USP50: variants seen among roughly 807,000 people sequenced by gnomAD.
USP50 encodes the protein ubiquitin carboxyl-terminal hydrolase 50.
In USP50, 37 loss-of-function variants were observed where a neutral mutation model predicts 39.2. The observed-to-expected ratio is 0.94, with a 90% CI of 0.73 to 1.24. The LOEUF (loss-of-function observed/expected upper bound fraction) is 1.24. USP50 is among the 50% of genes most tolerant of loss of function. The pLI, the probability that USP50 is intolerant of heterozygous loss-of-function variation, is 0.00. For synonymous variants in USP50, 139 were observed against 144.5 expected (o/e 0.96, Z 0.27); for missense variants, 374 against 398.2 (o/e 0.94, Z 0.52).
rs2053072775 is a variant in USP50, at chr15:50,546,563, G to A, written c.-38C>T. 6.2e-7 allele frequency: 1 copy of A among 1,608,546 alleles called. No homozygotes were observed. The highest frequency in any genetic ancestry group is 1.3e-5 in the African/African-American group (1 of 74,830). On this transcript the variant is annotated 5_prime_UTR_variant, in exon 1 of 7. Coordinates refer to ENST00000532404, the MANE Select transcript of USP50 (RefSeq NM_203494.5). ...ACGTTGGACTTTTGCTTCTATTCAG[G>A]AGCTACATCTATTCCTTTCAACTTC... is the stretch of plus-strand genomic sequence containing the variant.
chr15:50,519,186 T>C (rs372139346), intron 6 of USP50, among the ~76,000 whole-genome samples: 91 of 151,680 alleles, frequency 6.0e-4, no homozygotes, highest in African/African-American at 2.1e-3. Context: ...ACTCGGGAGG[T>C]TGAGGTGGGA....
intron 5 of USP50, among the ~76,000 whole-genome samples, chr15:50,536,923 T>C (rs2052984560): frequency 6.6e-6 from 1 of 152,180 alleles, no homozygotes; most frequent in African/African-American, 2.4e-5. Context: ...CAGCAACTTA[T>C]TTTGTGGATA....
chr15:50,529,877 G>C lies in USP50; in HGVS notation c.856C>G (p.Pro286Ala), dbSNP rs769303972. 1 of 1,613,914 alleles carries C rather than the reference G, an allele frequency of 6.2e-7. No homozygotes were observed. Among genetic ancestry groups the C allele is most frequent in the Admixed American group, 1.7e-5 (1 of 60,006 alleles). The change falls in exon 6 of 7, where the codon CCA becomes GCA. Residue 286 changes from proline to alanine, a missense_variant. Physicochemically the swap from Pro to Ala is conservative, Grantham distance 27 (BLOSUM62 -1). Transcript: ENST00000532404. ...KRKLRTDIHY[P>A]LTNLDLTPYI... is the part of the protein sequence containing the mutation. ...GGAGTGAGGTCCAAGTTAGTGAGTG[G>C]GTAATGAATATCCGTTCTCAGCTTC...
chr15:50,505,090 A>G (rs1048434050), intron 6 of USP50: 1 of 152,186 alleles, frequency 6.6e-6, no homozygotes, highest in African/African-American at 2.4e-5. Context: ...GAATGAGAAT[A>G]TTCAGCGTAT....
chr15:50,543,119 C>T (rs974520916), intron 3 of USP50, among the ~76,000 whole-genome samples: 4 of 151,972 alleles, frequency 2.6e-5, no homozygotes, highest in Non-Finnish European at 2.9e-5. Flanking sequence ...CTTTGTAGTG[C>T]GTAGATCTGT....
At chr15:50,515,784 CATACAT>C (rs1180200921) in intron 6 of USP50, among the ~76,000 whole-genome samples, 1 of 151,912 alleles carries the variant, frequency 6.6e-6, no homozygotes, top group Non-Finnish European at 1.5e-5. Flanking sequence ...TCTGGTAAAA[CATACAT>C]ATGCATACAC....
chr15:50,532,505 C>G (rs1285326976), intron 5 of USP50, among the ~76,000 whole-genome samples: 1 of 152,100 alleles, frequency 6.6e-6, no homozygotes, highest in Admixed American at 6.5e-5. Context: ...GATTATGGAA[C>G]GCTTCCCCTC....
At chr15:50,514,925 G>T (rs954596635) in intron 6 of USP50, among the ~76,000 whole-genome samples, 1 of 150,632 alleles carries the variant, frequency 6.6e-6, no homozygotes, top group Non-Finnish European at 1.5e-5. Context: ...GAGCTCAGGT[G>T]GTGGAGGTTG....
chr15:50,544,840 C>T, intron 1 of USP50, 59 bp from the exon 2 acceptor site: 1 of 1,466,678 alleles, frequency 6.8e-7, no homozygotes, highest in South Asian at 1.2e-5. Flanking sequence ...GTACAAATGA[C>T]AATAAGCTTC....
downstream of USP50, chr15:50,498,496 A>T (rs531851730): frequency 8.6e-6 from 12 of 1,392,812 alleles, no homozygotes; most frequent in Admixed American, 5.2e-5. Context: ...TGTATTTGAA[A>T]TGGATTTTAC....
chr15:50,499,760 C>T (rs2052545774), downstream of USP50: 1 of 151,856 alleles, frequency 6.6e-6, no homozygotes, highest in African/African-American at 2.4e-5. Flanking sequence ...ACATTAAAAT[C>T]TTAATGAGAA....
chr15:50,500,692 C>G lies in USP50; in HGVS notation c.*77G>C. The G allele has an allele frequency of 7.1e-7, 1 of 1,400,290 alleles. No individual in the cohort carries two copies. The highest frequency in any genetic ancestry group is 9.9e-7 in the Non-Finnish European group (1 of 1,010,616). The allele number at this position is 1,400,290 out of a possible 1,614,324, so 86.7% of individuals were successfully genotyped here. A position where few individuals can be genotyped will look rare whatever the true frequency, so the allele number is the denominator to read the frequency against. The stretch of plus-strand genomic sequence containing the variant: ...TATTGGTATGGAAAAGGGCTGGCAG[C>G]TATAGAACAGGAGATCCATAGCATT... On this transcript the variant is annotated 3_prime_UTR_variant, in exon 7 of 7. Transcript: ENST00000532404.
chr15:50,495,608 A>G (rs537623319), downstream of USP50, among the ~76,000 whole-genome samples: 87 of 152,012 alleles, frequency 5.7e-4, no homozygotes, highest in African/African-American at 1.9e-3. Context: ...GGCCCTTTTC[A>G]GCTTTTTAAA....
intron 6 of USP50, among the ~76,000 whole-genome samples, chr15:50,525,472 G>GTGTGTGTGTATATATATGTATATATGTA (rs1417794505): frequency 6.7e-6 from 1 of 149,640 alleles, no homozygotes; most frequent in Non-Finnish European, 1.5e-5. Context: ...TTTTGTGTGT[G>GTGTGTGTGTATATATATGTATATATGTA]TGTGTGTGTA....
At chr15:50,546,039 C>T (rs3098202) in intron 1 of USP50, among the ~76,000 whole-genome samples, 1 of 150,924 alleles carries the variant, frequency 6.6e-6, no homozygotes, top group Non-Finnish European at 1.5e-5. Context: ...GGGTTCCAAA[C>T]GGGACCTCCT....
chr15:50,519,779 TAAC>T (rs1363247608), intron 6 of USP50, among the ~76,000 whole-genome samples: 2 of 150,500 alleles, frequency 1.3e-5, no homozygotes, highest in African/African-American at 2.4e-5. Flanking sequence ...AGATGAAAAA[TAAC>T]AAATACTGGC....
downstream of USP50, chr15:50,496,132 GT>G: frequency 7.1e-7 from 1 of 1,406,944 alleles, no homozygotes; most frequent in Non-Finnish European, 9.8e-7. Flanking sequence ...TAAAAATGCT[GT>G]TTTTATGGAT....
chr15:50,528,120 C>A (rs1399887243), intron 6 of USP50, among the ~76,000 whole-genome samples: 2 of 142,122 alleles, frequency 1.4e-5, no homozygotes, highest in African/African-American at 5.3e-5. Context: ...GCCAGGGCTG[C>A]TAGCTTGAAC....
intron 5 of USP50, among the ~76,000 whole-genome samples, chr15:50,538,273 C>CAAAAAAA (rs766139797): frequency 4.0e-4 from 7 of 17,294 alleles, no homozygotes; most frequent in African/African-American, 6.2e-4. Context: ...GAGACTGTCT[C>CAAAAAAA]AAAAAAAAAA....
Sources: allele counts gnomAD v4.1 joint callset (sites outside exome capture counted in the v4.1 genomes callset), GRCh38; gene constraint gnomAD v4.1.1; transcripts MANE v1.5; gene names NCBI Gene and HGNC (gene_info 2026-07-23, HGNC 2026-07-21).